The following ABCA4 variants were observed in gnomAD, a reference collection of about 807,000 sequenced individuals.
The protein encoded by ABCA4 is ATP binding cassette subfamily A member 4, also known as retinal-specific phospholipid-transporting ATPase ABCA4.
ABCA4 carries 196 observed loss-of-function variants against 263.7 expected under a neutral mutation model. The observed-to-expected ratio is 0.74, with a 90% CI of 0.66 to 0.84. The LOEUF (loss-of-function observed/expected upper bound fraction) is 0.84. Ranked by LOEUF, ABCA4 falls within the 40% of genes least tolerant of loss-of-function variation. The probability of loss-of-function intolerance (pLI) is 0.00; values close to 1 mark genes in which losing one functional copy is unlikely to be tolerated. For missense variants in ABCA4, 2,792 were observed against 2,855.1 expected, an observed-to-expected ratio of 0.98 and a Z score of 0.50; for synonymous variants, 1,133 against 1,094.2, an observed-to-expected ratio of 1.04 and a Z score of -0.70.
rs61754020 is a variant in ABCA4, at chr1:94,063,090, C to A, written c.1760+22G>T. On this transcript the variant is annotated intron_variant, in intron 12 of 49. Coordinates refer to ENST00000370225, the MANE Select transcript of ABCA4 (RefSeq NM_000350.3). ...TCCCACTGACTTTGGAGAAATGCAG[C>A]GAGCCCTTCCTGAAACATCACCTGT... 4,301 of 1,600,590 alleles carry A rather than the reference C, an allele frequency of 2.7e-3. 98 individuals are homozygous for A. The African/African-American group carries it at 0.051, about 19-fold the overall frequency.
At chr1:93,994,954 A>AT (rs1450694584) in intron 49 of ABCA4, among the ~76,000 whole-genome samples, 2 of 152,244 alleles carry the variant, frequency 1.3e-5, no homozygotes, top group African/African-American at 4.8e-5. Context: ...CCAATTCTAT[A>AT]TTCTGAGTTA....
intron 11 of ABCA4, among the ~76,000 whole-genome samples, chr1:94,064,752 G>A (rs552827199): frequency 1.6e-4 from 25 of 152,200 alleles, no homozygotes; most frequent in African/African-American, 4.6e-4. Context: ...GGGTGGGACC[G>A]GACGGTTTGC....
chr1:94,102,823 C>T (rs926025421), intron 5 of ABCA4, among the ~76,000 whole-genome samples, 192 bp downstream of exon 5: 1 of 152,170 alleles, frequency 6.6e-6, no homozygotes, highest in African/African-American at 2.4e-5. Flanking sequence ...TGTACAGCTT[C>T]GAATCCTATG....
chr1:94,058,923 G>A (rs925468993), intron 14 of ABCA4, among the ~76,000 whole-genome samples: 2 of 152,178 alleles, frequency 1.3e-5, no homozygotes, highest in Non-Finnish European at 1.5e-5. Flanking sequence ...AGAGACAAGG[G>A]AAAGGTGGGA....
At chr1:94,067,203 A>G (rs1365536577) in intron 11 of ABCA4, among the ~76,000 whole-genome samples, 1 of 148,066 alleles carries the variant, frequency 6.8e-6, no homozygotes, top group African/African-American at 2.5e-5. Flanking sequence ...TACAGTGCTA[A>G]TGACAGTATA....
At chr1:93,997,392 G>A (rs1182694307) in intron 48 of ABCA4, among the ~76,000 whole-genome samples, 1 of 151,428 alleles carries the variant, frequency 6.6e-6, no homozygotes, top group East Asian at 1.9e-4. Context: ...CATGTAGATG[G>A]GACCACAGGC....
At chr1:94,009,923 C>T (rs1659501206) in intron 40 of ABCA4, among the ~76,000 whole-genome samples, 1 of 152,230 alleles carries the variant, frequency 6.6e-6, no homozygotes, top group African/African-American at 2.4e-5. Flanking sequence ...ATAACTAGAA[C>T]TGCTTGTGTA....
intron 26 of ABCA4, among the ~76,000 whole-genome samples, chr1:94,032,702 C>T (rs1180716365): frequency 6.6e-6 from 1 of 152,140 alleles, no homozygotes; most frequent in Non-Finnish European, 1.5e-5. Flanking sequence ...GTGTAATACA[C>T]TCACATTTAT....
At position 94,021,323 on chromosome 1, in the gene ABCA4, C is replaced by T; in HGVS notation, c.4935G>A (p.Lys1645=). 6.2e-7 allele frequency: 1 copy of T among 1,614,166 alleles called. No homozygotes were observed. The highest frequency in any genetic ancestry group is 8.5e-7 in the Non-Finnish European group (1 of 1,180,032). Residue 1645 remains lysine, a synonymous_variant, in exon 35 of 50, where the codon AAG becomes AAA. Coordinates refer to ENST00000370225, the MANE Select transcript of ABCA4 (RefSeq NM_000350.3). ...TTCCATACTCCTCGGGGCTCCTGTC[C>T]TTAGGCAGGCTGGCCCGTAAGATGG... ...HNAILRASLP[K]DRSPEEYGIT...
Position 94,031,138 on chromosome 1 carries a change from T to A in ABCA4, c.4129-18A>T. The A allele has an allele frequency of 6.2e-7, 1 of 1,613,728 alleles. No homozygotes were observed. The highest frequency in any genetic ancestry group is 8.5e-7 in the Non-Finnish European group (1 of 1,179,898). On this transcript the variant is annotated intron_variant, in intron 27 of 49. Transcript: ENST00000370225. ...AGCACGATCTGTGGGAGAATAGACG[T>A]GGAATAAACATGACTGTGGCATGGA...
In ABCA4 at chr1:94,056,743, AG is replaced by A. The variant is rs2101069863; in HGVS notation, c.2239del (p.Leu747CysfsTer40). 3.1e-6 allele frequency: 5 copies of A among 1,613,966 alleles called. No individual in the cohort carries two copies. The highest frequency in any genetic ancestry group is 4.2e-6 in the Non-Finnish European group (5 of 1,179,914). On this transcript the variant is annotated frameshift_variant, in exon 15 of 50. Coordinates refer to ENST00000370225, the MANE Select transcript of ABCA4 (RefSeq NM_000350.3). LOFTEE classifies it high-confidence loss of function. ...LLAFSTATIM[L>X]CFLLSTFFSK... ...GAAGAAGGTGCTGAGCAGAAAGCAC[AG>A]CATGATGGTGGCAGTGGAGAAAGCC... is the stretch of plus-strand genomic sequence containing the variant.
At position 94,014,641 on chromosome 1, in the gene ABCA4, G is replaced by A; in HGVS notation, c.5362C>T (p.Pro1788Ser). The change falls in exon 38 of 50, where the codon CCC (proline) becomes TCC (serine). Residue 1788 changes from proline (P) to serine (S), a missense_variant. Transcript: ENST00000370225. ...MYPASFLFDV[P>S]STAYVALSCA... ...GATAAAGCCACATAGGCTGTGCTGGGGACATCAAACAGGAAGGATGCTGGG... is the reference window on the plus strand; with the variant it reads ...GATAAAGCCACATAGGCTGTGCTGGAGACATCAAACAGGAAGGATGCTGGG... 1 of 1,614,168 alleles carries A rather than the reference G, an allele frequency of 6.2e-7. No homozygotes were observed. Among genetic ancestry groups the A allele is most frequent in the Non-Finnish European group, 8.5e-7 (1 of 1,180,032 alleles).
At chr1:94,116,400 G>C (rs536001373) in intron 1 of ABCA4, among the ~76,000 whole-genome samples, 1 of 152,282 alleles carries the variant, frequency 6.6e-6, no homozygotes, top group East Asian at 1.9e-4. Context: ...CTTGGGGCAT[G>C]GGACATCAGG....
intron 5 of ABCA4, among the ~76,000 whole-genome samples, chr1:94,101,093 G>A (rs548916714): frequency 1.3e-5 from 2 of 152,354 alleles, no homozygotes; most frequent in South Asian, 4.1e-4. Context: ...ACAACCTGGT[G>A]ACCCCGGCCT....
intron 39 of ABCA4, 145 bp downstream of exon 39, chr1:94,011,117 C>T (rs1659534005): frequency 1.9e-6 from 3 of 1,541,502 alleles, no homozygotes; most frequent in Non-Finnish European, 1.8e-6. Context: ...CACCCTAATC[C>T]TCTCCAGCTG....
At chr1:94,098,768 G>A in intron 6 of ABCA4, 26 bp downstream of exon 6, 1 of 1,612,890 alleles carries the variant, frequency 6.2e-7, no homozygotes, top group Non-Finnish European at 8.5e-7. Context: ...CCTTGCAATT[G>A]GCGAGCAGCC....
chr1:94,111,713 CA>C, intron 2 of ABCA4, 134 bp from the exon 3 acceptor site: 1 of 1,099,020 alleles, frequency 9.1e-7, no homozygotes, highest in Non-Finnish European at 1.4e-6. Context: ...ATTTAAGAAG[CA>C]GGAGCATCTC....
Position 94,029,405 on chromosome 1 carries a change from G to A in ABCA4, c.4539+40C>T, listed in dbSNP as rs61754050. 6.6e-7 allele frequency: 1 copy of A among 1,505,158 alleles called. No individual in the cohort carries two copies. 93.2% of individuals were successfully genotyped at this position (1,505,158 alleles called of 1,614,324 possible). On this transcript the variant is annotated intron_variant, in intron 30 of 49. Transcript: ENST00000370225. Reference sequence around the variant, plus strand: ...CAGGGACTCCCCTAGTCCCTCTGTGGCAGGCAGACCTGGGGCCCCGTTGTT... The same window carrying A: ...CAGGGACTCCCCTAGTCCCTCTGTGACAGGCAGACCTGGGGCCCCGTTGTT...
chr1:94,101,806 G>A (rs748729320), intron 5 of ABCA4, among the ~76,000 whole-genome samples: 5 of 152,234 alleles, frequency 3.3e-5, no homozygotes, highest in Non-Finnish European at 7.3e-5. Flanking sequence ...AGGCCCAGAG[G>A]ACAGCTGCAG....
Sources: gnomAD v4.1 joint callset for allele counts (sites outside exome capture counted in the v4.1 genomes callset) on GRCh38, gnomAD v4.1.1 for gene constraint, MANE v1.5 for transcripts, NCBI Gene and HGNC (gene_info 2026-07-23, HGNC 2026-07-21) for gene names.